RIMS2: variants seen among roughly 807,000 people sequenced by gnomAD.
RIMS2 encodes regulating synaptic membrane exocytosis 2, also known as regulating synaptic membrane exocytosis protein 2.
RIMS2 carries 59 observed loss-of-function variants against 174.4 expected under a neutral mutation model. That is an observed-to-expected ratio of 0.34 (90% confidence interval 0.27 to 0.42). RIMS2 has a LOEUF of 0.42. Ranked by LOEUF, RIMS2 falls within the 10% of genes least tolerant of loss-of-function variation. The pLI is 1.00. For missense variants in RIMS2, 1,620 were observed against 1,666.3 expected (o/e 0.97, Z 0.48); for synonymous variants, 606 against 572.5 (o/e 1.06, Z -0.84).
intron 3 of RIMS2, among the ~76,000 whole-genome samples, chr8:103,821,253 T>C (rs528288972): frequency 6.6e-6 from 1 of 151,832 alleles, no homozygotes; most frequent in East Asian, 1.9e-4. Context: ...ATAATTTCAG[T>C]AAGAGCCTTT....
At chr8:103,733,641 C>T (rs953725953) in intron 2 of RIMS2, among the ~76,000 whole-genome samples, 1 of 152,180 alleles carries the variant, frequency 6.6e-6, no homozygotes, top group African/African-American at 2.4e-5. Flanking sequence ...CTAAATGCTT[C>T]TTCTGTGGGT....
chr8:103,575,683 C>CATATATATATATATATATAT (rs371156171), intron 1 of RIMS2, among the ~76,000 whole-genome samples: 5 of 145,824 alleles, frequency 3.4e-5, no homozygotes, highest in African/African-American at 1.3e-4. Flanking sequence ...CACACACACA[C>CATATATATATATATATATAT]ACATATATAT....
chr8:103,966,753 CA>C (rs1420679817), intron 15 of RIMS2, among the ~76,000 whole-genome samples: 1 of 151,996 alleles, frequency 6.6e-6, no homozygotes, highest in Non-Finnish European at 1.5e-5. Context: ...CATATACATT[CA>C]GTACTATAAA....
intron 2 of RIMS2, among the ~76,000 whole-genome samples, chr8:103,701,727 C>T (rs772787018): frequency 6.6e-5 from 10 of 151,998 alleles, no homozygotes; most frequent in Admixed American, 1.3e-4. Flanking sequence ...AACATAATGA[C>T]GTCCAATTCC....
intron 1 of RIMS2, among the ~76,000 whole-genome samples, chr8:103,533,348 T>C (rs770375810): frequency 1.2e-4 from 19 of 152,214 alleles, no homozygotes; most frequent in Non-Finnish European, 2.8e-4. Flanking sequence ...TGAGTGGTTT[T>C]CCTTGACTCT....
chr8:103,712,407 A>G (rs1022841124), intron 2 of RIMS2, among the ~76,000 whole-genome samples: 3 of 152,122 alleles, frequency 2.0e-5, no homozygotes, highest in African/African-American at 7.2e-5. Flanking sequence ...CACTGGACAT[A>G]TGGCAAAGGC....
intron 19 of RIMS2, among the ~76,000 whole-genome samples, chr8:104,056,533 AG>A (rs367860864): frequency 6.6e-6 from 1 of 152,338 alleles, no homozygotes; most frequent in African/African-American, 2.4e-5. Flanking sequence ...TCGTGAAGCC[AG>A]GACTAAAACC....
At chr8:103,844,256 A>T (rs1363548252) in intron 3 of RIMS2, among the ~76,000 whole-genome samples, 4 of 152,186 alleles carry the variant, frequency 2.6e-5, no homozygotes, top group African/African-American at 7.2e-5. Flanking sequence ...GTGTGTCTTT[A>T]ATTACTTTCA....
At chr8:103,665,199 A>T (rs1008563965) in intron 1 of RIMS2, among the ~76,000 whole-genome samples, 1 of 152,238 alleles carries the variant, frequency 6.6e-6, no homozygotes, top group Non-Finnish European at 1.5e-5. Context: ...TGGGTGCAGC[A>T]AACCAACATG....
At chr8:104,187,329 A>G (rs1448569122) in intron 19 of RIMS2, among the ~76,000 whole-genome samples, 1 of 151,820 alleles carries the variant, frequency 6.6e-6, no homozygotes, top group East Asian at 1.9e-4. Flanking sequence ...AGTGCTTATA[A>G]TATGAACAAT....
intron 19 of RIMS2, among the ~76,000 whole-genome samples, chr8:104,224,973 A>T (rs1042126858): frequency 6.6e-6 from 1 of 152,236 alleles, no homozygotes; most frequent in Non-Finnish European, 1.5e-5. Flanking sequence ...TTTAATTTCC[A>T]TACTAGTCCT....
At chr8:103,839,843 A>T (rs1032716569) in intron 3 of RIMS2, among the ~76,000 whole-genome samples, 1 of 152,218 alleles carries the variant, frequency 6.6e-6, no homozygotes, top group African/African-American at 2.4e-5. Flanking sequence ...AGAAGTTTCT[A>T]TGAATATGTA....
At chr8:104,066,738 C>A (rs1360495756) in intron 19 of RIMS2, among the ~76,000 whole-genome samples, 2 of 152,098 alleles carry the variant, frequency 1.3e-5, no homozygotes. Context: ...TCAAATTTGA[C>A]TCAGAGTCAG....
intron 19 of RIMS2, among the ~76,000 whole-genome samples, chr8:104,052,562 G>A (rs2096803657): frequency 6.6e-6 from 1 of 152,116 alleles, no homozygotes; most frequent in Non-Finnish European, 1.5e-5. Context: ...GAGATATTTA[G>A]GGCTAACATA....
At chr8:104,159,267 G>T (rs2098745492) in intron 19 of RIMS2, among the ~76,000 whole-genome samples, 1 of 152,022 alleles carries the variant, frequency 6.6e-6, no homozygotes, top group South Asian at 2.1e-4. Context: ...ATTTGTTTTG[G>T]TACCAGTACC....
At chr8:104,174,648 A>G (rs76699921) in intron 19 of RIMS2, among the ~76,000 whole-genome samples, 107 of 152,314 alleles carry the variant, frequency 7.0e-4, no homozygotes, top group African/African-American at 2.5e-3. Flanking sequence ...TACAGTAGGT[A>G]TTACGATTCT....
chr8:104,189,111 A>G (rs564248871), intron 19 of RIMS2, among the ~76,000 whole-genome samples: 1 of 152,098 alleles, frequency 6.6e-6, no homozygotes, highest in East Asian at 1.9e-4. Context: ...TAAATTCTTA[A>G]TAATTATTAT....
chr8:103,697,266 T>C (rs1333282113), exon 2 of RIMS2: 1 of 1,613,550 alleles, frequency 6.2e-7, no homozygotes, highest in Admixed American at 1.7e-5. Flanking sequence ...GTGCTCGTTG[T>C]GGAGGTCGAG....
intron 19 of RIMS2, among the ~76,000 whole-genome samples, chr8:104,221,056 T>G (rs116877839): frequency 2.6e-5 from 4 of 152,328 alleles, no homozygotes; most frequent in Admixed American, 6.5e-5. Flanking sequence ...GTTGGTAAAC[T>G]TGCCCATTTC....
Sources: gnomAD v4.1 joint callset for allele counts (sites outside exome capture counted in the v4.1 genomes callset) on GRCh38, gnomAD v4.1.1 for gene constraint, MANE v1.5 for transcripts, NCBI Gene and HGNC (gene_info 2026-07-23, HGNC 2026-07-21) for gene names.